The following HTR3B variants were observed in gnomAD, a reference collection of about 807,000 sequenced individuals.
The protein encoded by HTR3B is 5-hydroxytryptamine receptor 3B, also known as 5-hydroxytryptamine (serotonin) receptor 3B, ionotropic.
A neutral mutation model predicts 42.8 loss-of-function variants in HTR3B; 44 were observed. The observed-to-expected ratio is 1.03, with a 90% CI of 0.81 to 1.32. The LOEUF is 1.32. Ranked by LOEUF, HTR3B falls within the 40% of genes most tolerant of loss-of-function variation. The probability of loss-of-function intolerance (pLI) is 0.00; values close to 1 mark genes in which losing one functional copy is unlikely to be tolerated. For synonymous variants in HTR3B, 203 were observed against 209.0 expected (o/e 0.97, Z 0.25); for missense variants, 527 against 536.5 (o/e 0.98, Z 0.17).
intron 2 of HTR3B, among the ~76,000 whole-genome samples, chr11:113,922,961 T>C (rs916540289): frequency 7.2e-5 from 11 of 152,246 alleles, no homozygotes; most frequent in African/African-American, 2.7e-4. Context: ...ATTCATATTT[T>C]CCATAACATG....
At position 113,931,450 on chromosome 11, in the gene HTR3B, T is replaced by G. The variant is rs139962463; in HGVS notation, c.258+22T>G. The G allele has an allele frequency of 5.7e-5, 82 of 1,447,000 alleles. No homozygotes were observed. The African/African-American group carries it at 1.0e-3, about 18-fold the overall frequency. 89.6% of individuals were successfully genotyped at this position (1,447,000 alleles called of 1,614,324 possible). On this transcript the variant is annotated intron_variant, in intron 3 of 8. Transcript: ENST00000260191. Reference sequence around the variant, plus strand: ...AGAGGTAAATAATTATGTTTTCTTCTAAATATATTGCACTCCTGATCTGGA... The same window carrying G: ...AGAGGTAAATAATTATGTTTTCTTCGAAATATATTGCACTCCTGATCTGGA...
intron 1 of HTR3B, 38 bp from the exon 2 acceptor site, chr11:113,909,257 T>C (rs1176011460): frequency 6.4e-7 from 1 of 1,566,196 alleles, no homozygotes; most frequent in Non-Finnish European, 8.8e-7. Flanking sequence ...ACCAAGCTCC[T>C]CTTACTTTTA....
At chr11:113,912,463 T>C (rs1259831831) in intron 2 of HTR3B, among the ~76,000 whole-genome samples, 1 of 152,154 alleles carries the variant, frequency 6.6e-6, no homozygotes, top group African/African-American at 2.4e-5. Flanking sequence ...CAGGATGGTC[T>C]CGATCTCCTG....
chr11:113,916,923 T>A (rs539859614), intron 2 of HTR3B, among the ~76,000 whole-genome samples: 26 of 152,294 alleles, frequency 1.7e-4, no homozygotes, highest in African/African-American at 6.0e-4. Flanking sequence ...AGGCTTTTTT[T>A]GGTAGATTCT....
intron 2 of HTR3B, among the ~76,000 whole-genome samples, chr11:113,923,940 T>C (rs949331347): frequency 2.6e-5 from 4 of 152,178 alleles, no homozygotes; most frequent in African/African-American, 7.2e-5. Flanking sequence ...TTATATGTAA[T>C]GTGGCAAAGC....
intron 2 of HTR3B, among the ~76,000 whole-genome samples, chr11:113,911,016 T>C (rs7930331): frequency 0.036 from 5,382 of 148,932 alleles, 284 homozygotes; most frequent in African/African-American, 0.12. Context: ...TTAGTAGAGA[T>C]GGGGTTTCAC....
intron 2 of HTR3B, among the ~76,000 whole-genome samples, chr11:113,910,075 AT>A (rs1337557775): frequency 6.6e-6 from 1 of 151,304 alleles, no homozygotes; most frequent in Non-Finnish European, 1.5e-5. Context: ...AGTAATAGGT[AT>A]TTTATCCTAT....
At chr11:113,926,018 C>T (rs886223647) in intron 2 of HTR3B, among the ~76,000 whole-genome samples, 1 of 152,150 alleles carries the variant, frequency 6.6e-6, no homozygotes, top group Non-Finnish European at 1.5e-5. Flanking sequence ...TTAGCAGTCA[C>T]ACCTCACATT....
intron 2 of HTR3B, among the ~76,000 whole-genome samples, chr11:113,924,885 A>G (rs1949953881): frequency 6.6e-6 from 1 of 152,222 alleles, no homozygotes; most frequent in Non-Finnish European, 1.5e-5. Flanking sequence ...CACTCAGACC[A>G]GGCTTTGTTG....
At chr11:113,908,608 G>A (rs1834384532) in intron 1 of HTR3B, among the ~76,000 whole-genome samples, 1 of 152,152 alleles carries the variant, frequency 6.6e-6, no homozygotes, top group Admixed American at 6.6e-5. Context: ...GGCCTCCCTG[G>A]CCTCAACACC....
intron 2 of HTR3B, 39 bp downstream of exon 2, chr11:113,909,494 C>CT (rs1161617399): frequency 1.3e-6 from 2 of 1,568,388 alleles, no homozygotes; most frequent in Non-Finnish European, 8.7e-7. Context: ...TTGTTAACGT[C>CT]TTTTGAAACA....
chr11:113,904,846 A>AGTGGAGAGGAACCCT lies in HTR3B; in HGVS notation c.-85_-71dup. ...GGCAAACGGAGAAGGAGGAGAACAGAGTGGAGAGGAACCCTGTTAGGAGAA... is the reference window on the plus strand; with the variant it reads ...GGCAAACGGAGAAGGAGGAGAACAGAGTGGAGAGGAACCCTGTGGAGAGGAACCCTGTTAGGAGAA... On this transcript the variant is annotated 5_prime_UTR_variant, in exon 1 of 9. Coordinates refer to ENST00000260191, the MANE Select transcript of HTR3B (RefSeq NM_006028.5). 1 of 998,704 alleles carries AGTGGAGAGGAACCCT rather than the reference A, an allele frequency of 1.0e-6. No homozygotes were observed. The highest frequency in any genetic ancestry group is 1.6e-6 in the Non-Finnish European group (1 of 620,692). The allele number at this position is 998,704 out of a possible 1,614,324, so 61.9% of individuals were successfully genotyped here.
At chr11:113,914,141 A>G (rs765319518) in intron 2 of HTR3B, among the ~76,000 whole-genome samples, 7 of 152,084 alleles carry the variant, frequency 4.6e-5, no homozygotes, top group Non-Finnish European at 8.8e-5. Flanking sequence ...AGTTTTTTTA[A>G]TTTTTAAAAA....
At chr11:113,902,724 A>G (rs893965272), upstream of HTR3B, among the ~76,000 whole-genome samples, 32 of 152,246 alleles carry the variant, frequency 2.1e-4, no homozygotes, top group Non-Finnish European at 4.6e-4. Context: ...TCTAATCCAC[A>G]TACCTCATTC....
At chr11:113,904,223 T>C (rs1361077320), upstream of HTR3B, among the ~76,000 whole-genome samples, 1 of 152,230 alleles carries the variant, frequency 6.6e-6, no homozygotes. Context: ...ATGTTGAACT[T>C]TGTTTTCATC....
intron 7 of HTR3B, 85 bp downstream of exon 7, chr11:113,943,277 C>T (rs1950151496): frequency 2.5e-6 from 3 of 1,177,568 alleles, no homozygotes; most frequent in Non-Finnish European, 3.7e-6. Flanking sequence ...TGGCTCATGC[C>T]CGTAATATCA....
chr11:113,929,375 C>G (rs1565562739), intron 2 of HTR3B, among the ~76,000 whole-genome samples: 1 of 151,998 alleles, frequency 6.6e-6, no homozygotes, highest in Non-Finnish European at 1.5e-5. Flanking sequence ...GGGAGTCCAA[C>G]ATCAGGTTCT....
intron 7 of HTR3B, 149 bp from the exon 8 acceptor site, chr11:113,944,424 C>A (rs1950160554): frequency 4.5e-6 from 3 of 672,728 alleles, no homozygotes; most frequent in Non-Finnish European, 5.1e-6. Flanking sequence ...TCACTTCAGC[C>A]CAATACGTTA....
intron 6 of HTR3B, 62 bp from the exon 7 acceptor site, chr11:113,942,920 T>C: frequency 6.9e-7 from 1 of 1,442,156 alleles, no homozygotes. Context: ...GCTATGAATT[T>C]GGCCAAATCT....
Sources: allele counts gnomAD v4.1 joint callset (sites outside exome capture counted in the v4.1 genomes callset), GRCh38; gene constraint gnomAD v4.1.1; transcripts MANE v1.5; gene names NCBI Gene and HGNC (gene_info 2026-07-23, HGNC 2026-07-21).